The following PARD3 variants were observed in gnomAD, a reference collection of about 807,000 sequenced individuals.
PARD3 encodes the protein par-3 family cell polarity regulator, also known as partitioning defective 3 homolog.
A neutral mutation model predicts 155.4 loss-of-function variants in PARD3; 75 were observed. The observed-to-expected ratio is 0.48, with a 90% confidence interval of 0.40 to 0.58. The LOEUF (loss-of-function observed/expected upper bound fraction) is 0.58, where lower values mean the gene tolerates loss of function less well. Among genes scored for constraint, PARD3 ranks in the 20% least tolerant of loss-of-function variants. The pLI, the probability that PARD3 is intolerant of heterozygous loss-of-function variation, is 0.00. For missense variants in PARD3, 1,642 were observed against 1,721.7 expected (o/e 0.95, Z 0.82); for synonymous variants, 576 against 610.5 (o/e 0.94, Z 0.83).
chr10:34,580,126 G>A (rs2134244610), intron 2 of PARD3, among the ~76,000 whole-genome samples: 1 of 151,898 alleles, frequency 6.6e-6, no homozygotes, highest in Non-Finnish European at 1.5e-5. Context: ...TGTTGGTCAG[G>A]CTAGTCTCAA....
chr10:34,332,455 T>C (rs1835717591), intron 18 of PARD3, among the ~76,000 whole-genome samples: 2 of 152,074 alleles, frequency 1.3e-5, no homozygotes, highest in Non-Finnish European at 2.9e-5. Context: ...AAATAGTTTA[T>C]CTCTGCATGG....
intron 7 of PARD3, among the ~76,000 whole-genome samples, chr10:34,391,369 CCAGCTTCCAGCAGAGCGAAGGGAG>C (rs1842858271): frequency 1.3e-5 from 2 of 152,202 alleles, no homozygotes; most frequent in Non-Finnish European, 2.9e-5. Context: ...CTAGCGCCCT[CCAGCTTCCAGCAGAGCGAAGGGAG>C]AAGGTTTTTC....
intron 1 of PARD3, among the ~76,000 whole-genome samples, chr10:34,750,490 CA>C: frequency 6.8e-6 from 1 of 147,026 alleles, no homozygotes. Context: ...CACACACACA[CA>C]CACACACACA....
chr10:34,365,865 G>A (rs935223030), intron 12 of PARD3, among the ~76,000 whole-genome samples: 5 of 152,110 alleles, frequency 3.3e-5, no homozygotes, highest in African/African-American at 1.2e-4. Flanking sequence ...TGGGATGACA[G>A]GCATGAGCCA....
chr10:34,247,037 C>T (rs1270727145), intron 22 of PARD3, among the ~76,000 whole-genome samples: 5 of 151,756 alleles, frequency 3.3e-5, no homozygotes, highest in Admixed American at 2.6e-4. Flanking sequence ...CAGTGAGCCA[C>T]CACACTCCAA....
At chr10:34,621,307 G>A (rs1483429801) in intron 2 of PARD3, among the ~76,000 whole-genome samples, 3 of 151,952 alleles carry the variant, frequency 2.0e-5, no homozygotes, top group East Asian at 3.9e-4. Flanking sequence ...AGTGGCTCTC[G>A]TGTTTCAGCC....
chr10:34,257,719 C>T (rs1034280130), intron 22 of PARD3, among the ~76,000 whole-genome samples: 2 of 152,216 alleles, frequency 1.3e-5, no homozygotes, highest in South Asian at 2.1e-4. Flanking sequence ...AAAATAAATA[C>T]ATAAATAAAC....
intron 2 of PARD3, among the ~76,000 whole-genome samples, chr10:34,559,821 C>T (rs905492342): frequency 1.3e-5 from 2 of 152,152 alleles, no homozygotes; most frequent in African/African-American, 2.4e-5. Flanking sequence ...ACAACAAAAA[C>T]GCACTTCTGA....
At position 34,671,131 on chromosome 10, in the gene PARD3, C is replaced by T. The variant is rs78530935; in HGVS notation, c.222+25187G>A. On this transcript the variant is annotated intron_variant, in intron 2 of 24. Coordinates refer to ENST00000374788, the MANE Select transcript of PARD3 (RefSeq NM_001184785.2). ...CAGCCTTCAAATCAAAAGAAATAAG[C>T]GTTTAGGCTGCAACACACAGCATAA... Among the ~76,000 whole-genome samples, 10 of 152,266 alleles carry T rather than the reference C, an allele frequency of 6.6e-5. No individual in the cohort carries two copies. In the East Asian group the frequency reaches 1.3e-3, roughly 21 times the overall value.
At chr10:34,351,855 C>A (rs1054216180) in intron 14 of PARD3, among the ~76,000 whole-genome samples, 1 of 150,702 alleles carries the variant, frequency 6.6e-6, no homozygotes, top group Non-Finnish European at 1.5e-5. Context: ...GTTGGCCTTG[C>A]AGCCATTAAA....
intron 4 of PARD3, among the ~76,000 whole-genome samples, chr10:34,469,491 A>G (rs754855387): frequency 9.2e-5 from 14 of 152,204 alleles, no homozygotes; most frequent in Non-Finnish European, 1.9e-4. Context: ...GGACTAAAAT[A>G]AATTAGGTCA....
chr10:34,318,295 G>A (rs953316580), intron 19 of PARD3, among the ~76,000 whole-genome samples: 11 of 152,140 alleles, frequency 7.2e-5, no homozygotes, highest in African/African-American at 2.4e-4. Context: ...TCTTTCTTTC[G>A]AGACTGGTCA....
At chr10:34,288,689 G>T (rs940923931) in intron 20 of PARD3, among the ~76,000 whole-genome samples, 2 of 152,172 alleles carry the variant, frequency 1.3e-5, no homozygotes, top group Non-Finnish European at 2.9e-5. Flanking sequence ...TCAATTATTT[G>T]TATGTTATCT....
chr10:34,785,835 G>C (rs1289046863), intron 1 of PARD3, among the ~76,000 whole-genome samples: 1 of 151,752 alleles, frequency 6.6e-6, no homozygotes, highest in Admixed American at 6.6e-5. Flanking sequence ...ACATTCCAGA[G>C]AAGAAAAAAA....
At chr10:34,609,532 G>A (rs1276146409) in intron 2 of PARD3, among the ~76,000 whole-genome samples, 1 of 152,116 alleles carries the variant, frequency 6.6e-6, no homozygotes, top group East Asian at 1.9e-4. Flanking sequence ...GAGGTCTTGA[G>A]TACTTACTTC....
At chr10:34,805,542 C>CGCATAT (rs1554837161) in intron 1 of PARD3, among the ~76,000 whole-genome samples, 2 of 140,748 alleles carry the variant, frequency 1.4e-5, no homozygotes, top group South Asian at 2.3e-4. Flanking sequence ...CACGTATGTG[C>CGCATAT]ATATATATAT....
At chr10:34,792,851 A>G (rs1472556361) in intron 1 of PARD3, among the ~76,000 whole-genome samples, 1 of 152,266 alleles carries the variant, frequency 6.6e-6, no homozygotes, top group Non-Finnish European at 1.5e-5. Flanking sequence ...ATCCACTTTT[A>G]ATTATTTACA....
intron 22 of PARD3, among the ~76,000 whole-genome samples, chr10:34,252,590 T>C (rs1954383880): frequency 6.6e-6 from 1 of 152,164 alleles, no homozygotes; most frequent in African/African-American, 2.4e-5. Flanking sequence ...TGCTGATCTG[T>C]GTCTCAGCCC....
chr10:34,126,064 T>C (rs1038462304), intron 23 of PARD3, among the ~76,000 whole-genome samples: 27 of 152,220 alleles, frequency 1.8e-4, no homozygotes, highest in African/African-American at 6.5e-4. Context: ...TTAAGAAAGA[T>C]TTAAAGCAAC....
Sources: allele counts gnomAD v4.1 joint callset (sites outside exome capture counted in the v4.1 genomes callset), GRCh38; gene constraint gnomAD v4.1.1; transcripts MANE v1.5; gene names NCBI Gene and HGNC (gene_info 2026-07-23, HGNC 2026-07-21).